The following PBRM1 variants were observed in gnomAD, a reference collection of about 807,000 sequenced individuals.
PBRM1 encodes protein polybromo-1.
In PBRM1, 27 loss-of-function variants were observed where a neutral mutation model predicts 194.5. The observed-to-expected ratio is 0.14, with a 90% CI of 0.10 to 0.19. The LOEUF is 0.19. PBRM1 is among the 10% of genes least tolerant of loss of function. PBRM1 has a pLI of 1.00. For synonymous variants in PBRM1, 655 were observed against 693.2 expected (o/e 0.94, Z 0.87); for missense variants, 1,466 against 2,077.2 (o/e 0.71, Z 5.72).
At chr3:52,562,929 A>C (rs2084026736) in intron 24 of PBRM1, among the ~76,000 whole-genome samples, 1 of 152,182 alleles carries the variant, frequency 6.6e-6, no homozygotes. Context: ...GATTAAAAAG[A>C]CACGGGTAAT....
upstream of PBRM1, among the ~76,000 whole-genome samples, chr3:52,683,045 C>CA (rs200576088): frequency 0.014 from 2,072 of 151,520 alleles, 64 homozygotes; most frequent in African/African-American, 0.047. Flanking sequence ...ACTAAAAATA[C>CA]AAAAAAAATT....
intron 22 of PBRM1, among the ~76,000 whole-genome samples, chr3:52,574,378 G>C (rs1337128276): frequency 6.6e-6 from 1 of 152,136 alleles, no homozygotes; most frequent in Non-Finnish European, 1.5e-5. Flanking sequence ...CAACACTGTT[G>C]CACTAGGGAT....
intron 29 of PBRM1, among the ~76,000 whole-genome samples, chr3:52,549,688 T>C (rs1348057939): frequency 6.6e-6 from 1 of 152,088 alleles, no homozygotes; most frequent in African/African-American, 2.4e-5. Flanking sequence ...ATAGATCACC[T>C]GAGGTCAGGA....
In PBRM1 at chr3:52,638,599, TCTC is replaced by T. The variant is rs952480649; in HGVS notation, c.1087+3352_1087+3354del. ...GTCTCAAATTCCTGACCTCGTATTC[TCTC>T]TTTTTTTAAGAGACAGAGTCTCGTT... On this transcript the variant is annotated intron_variant, in intron 10 of 29. Transcript: ENST00000296302. Among the ~76,000 whole-genome samples, 508 of 117,346 alleles carry T rather than the reference TCTC, an allele frequency of 4.3e-3. 4 individuals carry two copies. Among genetic ancestry groups the T allele is most frequent in the African/African-American group, 0.016 (484 of 29,506 alleles). The allele number at this position is 117,346 out of a possible 152,430, so 77.0% of individuals were successfully genotyped here.
intron 6 of PBRM1, among the ~76,000 whole-genome samples, chr3:52,649,693 T>C (rs2096435338): frequency 1.3e-5 from 2 of 152,180 alleles, no homozygotes; most frequent in Non-Finnish European, 2.9e-5. Context: ...TAGCAGGCAT[T>C]GGAAAACAAG....
intron 17 of PBRM1, among the ~76,000 whole-genome samples, chr3:52,590,094 G>A (rs928701034): frequency 1.3e-5 from 2 of 151,786 alleles, no homozygotes; most frequent in African/African-American, 4.8e-5. Context: ...CAAAATGCTG[G>A]GATTATAGGC....
At chr3:52,671,921 C>A (rs2096956921) in intron 2 of PBRM1, among the ~76,000 whole-genome samples, 1 of 152,198 alleles carries the variant, frequency 6.6e-6, no homozygotes, top group Admixed American at 6.5e-5. Flanking sequence ...GTAGCATCAA[C>A]AATCATGAAT....
In PBRM1 at chr3:52,668,408, A is replaced by G; in HGVS notation, c.384+90T>C. 8.1e-6 allele frequency: 7 copies of G among 860,126 alleles called. No individual in the cohort carries two copies. The South Asian group carries it at 1.1e-4, about 13-fold the overall frequency. 53.3% of individuals were successfully genotyped at this position (860,126 alleles called of 1,614,324 possible). Reference sequence around the variant, plus strand: ...ACTCAAGCCACAAAAAGAAACTACTACTCACCTGCCAGGTTTATAAATATT... The same window carrying G: ...ACTCAAGCCACAAAAAGAAACTACTGCTCACCTGCCAGGTTTATAAATATT... On this transcript the variant is annotated intron_variant, in intron 3 of 29. Coordinates refer to ENST00000296302, the Ensembl canonical transcript of PBRM1.
intron 12 of PBRM1, among the ~76,000 whole-genome samples, chr3:52,627,735 G>C (rs2095490160): frequency 6.6e-6 from 1 of 152,098 alleles, no homozygotes. Flanking sequence ...GACTTCTAAG[G>C]GGCAGTGTGG....
At chr3:52,561,501 AT>A (rs370847811) in intron 25 of PBRM1, among the ~76,000 whole-genome samples, 1 of 152,240 alleles carries the variant, frequency 6.6e-6, no homozygotes, top group South Asian at 2.1e-4. Context: ...AAAGAAAAAA[AT>A]CATGCAATTT....
chr3:52,628,250 G>A (rs905373618), intron 12 of PBRM1, among the ~76,000 whole-genome samples: 1 of 151,426 alleles, frequency 6.6e-6, no homozygotes, highest in African/African-American at 2.4e-5. Flanking sequence ...TGATTGCAGG[G>A]TGACTTCATG....
In PBRM1 at chr3:52,643,222, C is replaced by G. The variant is rs2096173022; in HGVS notation, c.995+26G>C. 3.3e-6 allele frequency: 5 copies of G among 1,501,248 alleles called. No homozygotes were observed. The Admixed American group carries it at 8.4e-5, about 25-fold the overall frequency. 93.0% of individuals were successfully genotyped at this position (1,501,248 alleles called of 1,614,324 possible). On this transcript the variant is annotated intron_variant, in intron 9 of 29. Coordinates refer to ENST00000296302, the Ensembl canonical transcript of PBRM1. Reference sequence around the variant, plus strand: ...CTATCTTTATAAGCACAGGTCAACTCTCAGACTAAACACTCTTTTTCTCAC... The same window carrying G: ...CTATCTTTATAAGCACAGGTCAACTGTCAGACTAAACACTCTTTTTCTCAC...
At chr3:52,674,643 A>ATATATAT (rs1553892218) in intron 2 of PBRM1, among the ~76,000 whole-genome samples, 1 of 72,420 alleles carries the variant, frequency 1.4e-5, no homozygotes, top group East Asian at 4.3e-4. Flanking sequence ...AAAAAAAAAA[A>ATATATAT]ATATATATAT....
At chr3:52,572,432 G>A (rs972406435) in intron 22 of PBRM1, among the ~76,000 whole-genome samples, 2 of 152,090 alleles carry the variant, frequency 1.3e-5, no homozygotes, top group Non-Finnish European at 2.9e-5. Flanking sequence ...GAATCCAGTA[G>A]AGTGATCTCA....
chr3:52,637,942 G>A (rs977395581), intron 10 of PBRM1, among the ~76,000 whole-genome samples: 1 of 151,778 alleles, frequency 6.6e-6, no homozygotes, highest in Non-Finnish European at 1.5e-5. Flanking sequence ...GCGAAACTCC[G>A]TCTCAAGAGA....
chr3:52,572,709 CA>C (rs1256266793), intron 22 of PBRM1, among the ~76,000 whole-genome samples: 2 of 152,064 alleles, frequency 1.3e-5, no homozygotes, highest in African/African-American at 4.8e-5. Flanking sequence ...AACAATTCTT[CA>C]ACGAAACTGA....
chr3:52,671,048 G>A (rs1303298699), intron 2 of PBRM1, among the ~76,000 whole-genome samples: 3 of 152,174 alleles, frequency 2.0e-5, no homozygotes, highest in Non-Finnish European at 4.4e-5. Context: ...GACCATGCAG[G>A]CAAGGGTGAT....
At chr3:52,641,149 T>C (rs2096063366) in intron 10 of PBRM1, among the ~76,000 whole-genome samples, 1 of 152,064 alleles carries the variant, frequency 6.6e-6, no homozygotes, top group Non-Finnish European at 1.5e-5. Context: ...TGGAGAAGTC[T>C]GTTGTGTAAC....
intron 15 of PBRM1, 66 bp from the exon 18 acceptor site, chr3:52,610,021 G>T: frequency 1.0e-6 from 1 of 969,264 alleles, no homozygotes; most frequent in Non-Finnish European, 1.5e-6. Context: ...ACAGATGGTA[G>T]CATAACCACA....
Sources: allele counts gnomAD v4.1 joint callset (sites outside exome capture counted in the v4.1 genomes callset), GRCh38; gene constraint gnomAD v4.1.1; transcripts MANE v1.5; gene names NCBI Gene and HGNC (gene_info 2026-07-23, HGNC 2026-07-21).